TUFM: variants seen among roughly 807,000 people sequenced by gnomAD.
TUFM encodes Tu translation elongation factor, mitochondrial.
TUFM carries 23 observed loss-of-function variants against 45.0 expected under a neutral mutation model. The ratio of observed to expected loss-of-function variants is 0.51; its 90% confidence interval spans 0.37 to 0.72. The LOEUF (loss-of-function observed/expected upper bound fraction) is 0.72, where lower values mean the gene tolerates loss of function less well. TUFM is among the 30% of genes least tolerant of loss of function. The pLI, the probability that TUFM is intolerant of heterozygous loss-of-function variation, is 0.00. For missense variants in TUFM, 490 were observed against 610.7 expected (o/e 0.80, Z 2.08); for synonymous variants, 243 against 252.9 (o/e 0.96, Z 0.37).
chr16:28,845,099 T>C (rs1961904790), intron 3 of TUFM, 44 bp from the exon 4 acceptor site: 2 of 1,602,626 alleles, frequency 1.2e-6, no homozygotes, highest in Non-Finnish European at 1.7e-6. Flanking sequence ...CAACGAGCTC[T>C]TCAGTTCACA....
At position 28,844,599 on chromosome 16, in the gene TUFM, T is replaced by C; in HGVS notation, c.685-48A>G. On this transcript the variant is annotated intron_variant, in intron 5 of 9. Coordinates refer to ENST00000313511, the MANE Select transcript of TUFM (RefSeq NM_003321.5). The surrounding 1 kb of genome is among the most constrained non-coding windows in gnomAD (Gnocchi z 5.8). Reference sequence around the variant, plus strand: ...CTCTGAAATCCCCATTCTACTTCCCTCGATTATCAAGAGCCACTTCCCAGA... The same window carrying C: ...CTCTGAAATCCCCATTCTACTTCCCCCGATTATCAAGAGCCACTTCCCAGA... 1 of 1,613,142 alleles carries C rather than the reference T, an allele frequency of 6.2e-7. No homozygotes were observed. The highest frequency in any genetic ancestry group is 8.5e-7 in the Non-Finnish European group (1 of 1,180,006).
At chr16:28,845,857 G>T in intron 2 of TUFM, 55 bp downstream of exon 2, 2 of 1,603,568 alleles carry the variant, frequency 1.2e-6, no homozygotes, top group East Asian at 2.2e-5. Flanking sequence ...TTGCCTCCCT[G>T]GCTCCAGGTC....
At position 28,844,719 on chromosome 16, in the gene TUFM, G is replaced by C. The variant is rs1192698408; in HGVS notation, c.663C>G (p.Gly221=). 1.2e-6 allele frequency: 2 copies of C among 1,614,054 alleles called. No individual in the cohort carries two copies. Among genetic ancestry groups the C allele is most frequent in the African/African-American group, 2.7e-5 (2 of 74,912 alleles). ...TCACCTCAAGGGCACAGAGAGCAGA[G>C]CCTACGATGACTGGGGTCTCCTCCC... ...YKGEETPVIV[G]SALCALEGRD... is the part of the protein sequence containing the mutation. Residue 221 remains glycine (G), a synonymous_variant, in exon 5 of 10, where the codon GGC becomes GGG. Coordinates refer to ENST00000313511, the MANE Select transcript of TUFM (RefSeq NM_003321.5). The surrounding 1 kb of genome is among the most constrained non-coding windows in gnomAD (Gnocchi z 5.8).
rs373374645 is a variant in TUFM at position 28,846,046 on chromosome 16, G to A, written c.113C>T (p.Ala38Val). The A allele has an allele frequency of 4.5e-5, 72 of 1,613,634 alleles. No individual in the cohort carries two copies. Among genetic ancestry groups the A allele is most frequent in the Non-Finnish European group, 5.4e-5 (64 of 1,179,972 alleles). Residue 38 changes from alanine to valine, a missense_variant, in exon 2 of 10, where the codon GCA becomes GTA. Physicochemically the swap from Ala to Val is moderately conservative, Grantham distance 64. Coordinates refer to ENST00000313511, the MANE Select transcript of TUFM (RefSeq NM_003321.5). ...QGLLRLLKAPALPLLCRGLAV... is the reference protein window; with the variant it reads ...QGLLRLLKAPVLPLLCRGLAV... ...CAGGCCGCGGCACAAGAGAGGCAATGCCGGGGCTTTCAGCAGCCGCAACAG... is the reference window on the plus strand; with the variant it reads ...CAGGCCGCGGCACAAGAGAGGCAATACCGGGGCTTTCAGCAGCCGCAACAG...
Position 28,844,529 on chromosome 16 carries a change from A to T in TUFM, c.707T>A (p.Leu236Gln). Residue 236 changes from leucine (L) to glutamine (Q), a missense_variant, in exon 6 of 10, where the codon CTG becomes CAG. Transcript: ENST00000313511. This position sits in a 1 kb window ranked among gnomAD's most constrained non-coding sequence, Gnocchi z 5.8. Reference protein sequence around the residue: ...ALEGRDPELGLKSVQKLLDAV... With the variant: ...ALEGRDPELGQKSVQKLLDAV... ...ATCCAGTAGCTTCTGCACAGACTTC[A>T]GGCCTAACTCAGGGTCCCGACCCTG... 6.2e-7 allele frequency: 1 copy of T among 1,613,916 alleles called. No individual in the cohort carries two copies. The highest frequency in any genetic ancestry group is 8.5e-7 in the Non-Finnish European group (1 of 1,180,020).
chr16:28,842,794 C>G lies in TUFM; in HGVS notation c.*181G>C. The G allele has an allele frequency of 2.6e-6, 2 of 771,218 alleles. No homozygotes were observed. Among genetic ancestry groups the G allele is most frequent in the Non-Finnish European group, 4.5e-6 (2 of 447,266 alleles). 47.8% of individuals were successfully genotyped at this position (771,218 alleles called of 1,614,324 possible). ...AGGACACAGGACACAGGCTGGCTTA[C>G]TATTCAAAGTTTACTGACCTCCCCA... On this transcript the variant is annotated 3_prime_UTR_variant, in exon 10 of 10. Transcript: ENST00000313511.
At position 28,846,076 on chromosome 16, in the gene TUFM, T is replaced by C; in HGVS notation, c.83A>G (p.Gln28Arg). The C allele has an allele frequency of 1.2e-6, 2 of 1,613,764 alleles. No homozygotes were observed. Among genetic ancestry groups the C allele is most frequent in the Non-Finnish European group, 1.7e-6 (2 of 1,179,960 alleles). The change falls in exon 2 of 10, where the codon CAG becomes CGG. Residue 28 changes from glutamine to arginine, a missense_variant. Physicochemically the swap from Gln to Arg is conservative, Grantham distance 43. Coordinates refer to ENST00000313511, the MANE Select transcript of TUFM (RefSeq NM_003321.5). ...GGCTTTCAGCAGCCGCAACAGACCCTGCAGCAGGAAGGTCCGGCCGGCGGC... is the reference window on the plus strand; with the variant it reads ...GGCTTTCAGCAGCCGCAACAGACCCCGCAGCAGGAAGGTCCGGCCGGCGGC... The part of the protein sequence containing the change: ...GLAAGRTFLL[Q>R]GLLRLLKAPA...
intron 9 of TUFM, 117 bp from the exon 10 acceptor site, chr16:28,843,265 G>A (rs1302063800): frequency 2.8e-6 from 3 of 1,088,216 alleles, no homozygotes; most frequent in Non-Finnish European, 4.1e-6. Context: ...GAATGGTTCT[G>A]CCTGGGGACA....
chr16:28,842,978 A>T lies in TUFM; in HGVS notation c.1365T>A (p.Gly455=). 1 of 1,614,058 alleles carries T rather than the reference A, an allele frequency of 6.2e-7. No individual in the cohort carries two copies. Among genetic ancestry groups the T allele is most frequent in the South Asian group, 1.1e-5 (1 of 91,080 alleles). The change falls in exon 10 of 10, where the codon GGT becomes GGA. Residue 455 remains glycine, a synonymous_variant. Coordinates refer to ENST00000313511, the MANE Select transcript of TUFM (RefSeq NM_003321.5). Reference sequence around the variant, plus strand: ...AGCTGAGCAGAGATCTGCACACTCAACCCCATTTGATATTCTTCTCCTCCT... The same window carrying T: ...AGCTGAGCAGAGATCTGCACACTCATCCCCATTTGATATTCTTCTCCTCCT... The part of the protein sequence containing the change: ...MTEEEKNIKW[G]
rs1414265506 is a variant in TUFM, at chr16:28,844,082, C to G, written c.942G>C (p.Lys314Asn). 2.5e-6 allele frequency: 4 copies of G among 1,614,194 alleles called. No individual in the cohort carries two copies. In the African/African-American group the frequency reaches 5.3e-5, roughly 22 times the overall value. The stretch of plus-strand genomic sequence containing the variant: ...CTCCGGCCTCGGCCCTCTCCAGGCT[C>G]TTGTGGAACATCTCAATGCCTAGGA... ...TVVTGIEMFHKSLERAEAGDN... is the reference protein window; with the variant it reads ...TVVTGIEMFHNSLERAEAGDN... Residue 314 changes from lysine (K) to asparagine (N), a missense_variant, in exon 8 of 10, where the codon AAG (lysine) becomes AAC (asparagine). Coordinates refer to ENST00000313511, the MANE Select transcript of TUFM (RefSeq NM_003321.5). This position sits in a 1 kb window ranked among gnomAD's most constrained non-coding sequence, Gnocchi z 5.8.
At chr16:28,846,168 C>T (rs750429779) in intron 1 of TUFM, 50 bp downstream of exon 1, 2 of 1,600,180 alleles carry the variant, frequency 1.2e-6, no homozygotes, top group Non-Finnish European at 1.7e-6. Context: ...AGCCACCTAC[C>T]ACTCCCCCAA....
rs745598449 is a variant in TUFM at position 28,845,383 on chromosome 16, A to G, written c.345T>C (p.His115=). The stretch of plus-strand genomic sequence containing the variant: ...GGCGGGCGGCAGTGCTATACTCCAC[A>G]TGAGCCGCATTGATGGTGATACCCC... ...RARGITINAA[H]VEYSTAARHY... The change falls in exon 3 of 10, where the codon CAT becomes CAC. Residue 115 remains histidine, a synonymous_variant. Transcript: ENST00000313511. 3.7e-6 allele frequency: 6 copies of G among 1,613,902 alleles called. No individual in the cohort carries two copies. Among genetic ancestry groups the G allele is most frequent in the Admixed American group, 1.7e-5 (1 of 59,990 alleles).
At chr16:28,843,183 C>CA in intron 9 of TUFM, 35 bp from the exon 10 acceptor site, 1 of 1,613,152 alleles carries the variant, frequency 6.2e-7, no homozygotes, top group Non-Finnish European at 8.5e-7. Flanking sequence ...GCGTGGCCTC[C>CA]AGGGTGCCTT....
In TUFM at chr16:28,842,613, G is replaced by A. The variant is rs1961830871; in HGVS notation, c.*362C>T. 4 of 335,010 alleles carry A rather than the reference G, an allele frequency of 1.2e-5. No homozygotes were observed. The highest frequency in any genetic ancestry group is 5.3e-5 in the South Asian group (2 of 37,514). The allele number at this position is 335,010 out of a possible 1,614,324, so 20.8% of individuals were successfully genotyped here. ...GAACATTCTTTCCCACTATCTCCCA[G>A]GAGGCTGAATAACGGCATCCTACTG... On this transcript the variant is annotated 3_prime_UTR_variant, in exon 10 of 10. Transcript: ENST00000313511.
rs771244818 is a variant in TUFM, at chr16:28,845,095, G to A, written c.415-40C>T. The A allele has an allele frequency of 2.5e-6, 4 of 1,606,504 alleles. No individual in the cohort carries two copies. In the South Asian group the frequency reaches 4.4e-5, roughly 18 times the overall value. The stretch of plus-strand genomic sequence containing the variant: ...GAAAGGAAACAGCCAAGTTCAACGA[G>A]CTCTTCAGTTCACATCCATATAGCC... On this transcript the variant is annotated intron_variant, in intron 3 of 9. Coordinates refer to ENST00000313511, the MANE Select transcript of TUFM (RefSeq NM_003321.5).
intron 9 of TUFM, 42 bp from the exon 10 acceptor site, chr16:28,843,190 CCTTCATTCCTTAAGT>C (rs1961845485): frequency 6.2e-7 from 1 of 1,609,956 alleles, no homozygotes; most frequent in South Asian, 1.1e-5. Context: ...CTCCAGGGTG[CCTTCATTCCTTAAGT>C]CTTTTTTGGC....
chr16:28,845,528 A>G, intron 2 of TUFM, 48 bp from the exon 3 acceptor site: 1 of 1,612,784 alleles, frequency 6.2e-7, no homozygotes, highest in Non-Finnish European at 8.5e-7. Flanking sequence ...CCAGTGCTAG[A>G]GGCAGAGCTT....
Position 28,844,607 on chromosome 16 carries a change from C to G in TUFM, c.685-56G>C, listed in dbSNP as rs1961884831. On this transcript the variant is annotated intron_variant, in intron 5 of 9. Transcript: ENST00000313511. This position sits in a 1 kb window ranked among gnomAD's most constrained non-coding sequence, Gnocchi z 5.8. Reference sequence around the variant, plus strand: ...TCCCCATTCTACTTCCCTCGATTATCAAGAGCCACTTCCCAGACACAAAGC... The same window carrying G: ...TCCCCATTCTACTTCCCTCGATTATGAAGAGCCACTTCCCAGACACAAAGC... 1 of 1,613,264 alleles carries G rather than the reference C, an allele frequency of 6.2e-7. No homozygotes were observed. The highest frequency in any genetic ancestry group is 1.7e-5 in the Admixed American group (1 of 60,000).
intron 2 of TUFM, 70 bp from the exon 3 acceptor site, chr16:28,845,550 C>A: frequency 6.3e-7 from 1 of 1,577,240 alleles, no homozygotes; most frequent in South Asian, 1.1e-5. Flanking sequence ...GACCACGCCC[C>A]TGAACCCTCC....
Sources: gnomAD v4.1 joint callset for allele counts on GRCh38, gnomAD v4.1.1 for gene constraint, Gnocchi (gnomAD v3.1) non-coding constraint, MANE v1.5 for transcripts, NCBI Gene and HGNC (gene_info 2026-07-23, HGNC 2026-07-21) for gene names.